RCC2: variants seen among roughly 807,000 people sequenced by gnomAD.
RCC2 encodes the protein protein RCC2.
In RCC2, 19 loss-of-function variants were observed where a neutral mutation model predicts 64.1. The observed-to-expected ratio is 0.30, with a 90% CI of 0.21 to 0.44. The LOEUF is 0.44. Among genes scored for constraint, RCC2 ranks in the 20% least tolerant of loss-of-function variants. The pLI is 1.00. For synonymous variants in RCC2, 325 were observed against 279.6 expected, an observed-to-expected ratio of 1.16 and a Z score of -1.62; for missense variants, 508 against 710.4, an observed-to-expected ratio of 0.72 and a Z score of 3.24.
At chr1:17,416,721 T>C in intron 7 of RCC2, 75 bp from the exon 8 acceptor site, 1 of 1,465,536 alleles carries the variant, frequency 6.8e-7, no homozygotes, top group Non-Finnish European at 9.2e-7. Flanking sequence ...ACACGGACTC[T>C]GTAGTGAGCC....
chr1:17,428,067 G>T (rs181712851), intron 3 of RCC2, among the ~76,000 whole-genome samples: 46 of 152,328 alleles, frequency 3.0e-4, no homozygotes, highest in African/African-American at 1.1e-3. Context: ...ACTAGAGAGT[G>T]GGACTCCAAC....
rs559374956 is a variant in RCC2, at chr1:17,434,827, G to T, written c.285+3403C>A. On this transcript the variant is annotated intron_variant, in intron 2 of 12. Transcript: ENST00000375436. ...CGTCTAGTCACAGAAGTCTTGTGTTGGGAGGCGGGGCGTGGTGGCTCACGC... is the reference window on the plus strand; with the variant it reads ...CGTCTAGTCACAGAAGTCTTGTGTTTGGAGGCGGGGCGTGGTGGCTCACGC... 2.6e-5 allele frequency among the ~76,000 whole-genome samples: 4 copies of T among 152,346 alleles called. No individual in the cohort carries two copies. The East Asian group carries it at 5.8e-4, about 22-fold the overall frequency.
At position 17,413,736 on chromosome 1, in the gene RCC2, C is replaced by T; in HGVS notation, c.1027-19G>A. 1 of 1,603,730 alleles carries T rather than the reference C, an allele frequency of 6.2e-7. No homozygotes were observed. The highest frequency in any genetic ancestry group is 1.7e-4 in the Middle Eastern group (1 of 6,014). On this transcript the variant is annotated intron_variant, in intron 8 of 12. Transcript: ENST00000375436. Reference sequence around the variant, plus strand: ...GGACCAGCTGCAAGGAAAGAAAACACAGGGTTGGAACAAACAGACTTCCAA... The same window carrying T: ...GGACCAGCTGCAAGGAAAGAAAACATAGGGTTGGAACAAACAGACTTCCAA...
intron 7 of RCC2, among the ~76,000 whole-genome samples, chr1:17,418,431 G>A (rs1002734343): frequency 2.0e-5 from 3 of 152,140 alleles, no homozygotes; most frequent in African/African-American, 2.4e-5. Context: ...GGCTGAGGTC[G>A]GCGGATCACG....
chr1:17,410,203 G>C, intron 11 of RCC2, 152 bp from the exon 12 acceptor site: 1 of 670,366 alleles, frequency 1.5e-6, no homozygotes, highest in Non-Finnish European at 2.6e-6. Flanking sequence ...TTGCACACAA[G>C]GGCCAGGTGG....
chr1:17,428,334 CG>C (rs2075640835), intron 3 of RCC2, among the ~76,000 whole-genome samples: 1 of 152,260 alleles, frequency 6.6e-6, no homozygotes. Flanking sequence ...TTCCAAACAA[CG>C]CGCTGCTGCT....
intron 3 of RCC2, 130 bp from the exon 4 acceptor site, chr1:17,425,814 T>A: frequency 2.2e-6 from 2 of 918,520 alleles, no homozygotes; most frequent in Non-Finnish European, 3.3e-6. Flanking sequence ...CACCCTGCCT[T>A]GGCTGTTGGG....
At chr1:17,435,070 T>C (rs554601188) in intron 2 of RCC2, among the ~76,000 whole-genome samples, 1 of 152,218 alleles carries the variant, frequency 6.6e-6, no homozygotes, top group East Asian at 1.9e-4. Flanking sequence ...ACCACTGCAC[T>C]CCAGCCTGGG....
rs189835361 is a variant in RCC2, at chr1:17,428,182, G to A, written c.379+924C>T. Among the ~76,000 whole-genome samples the A allele has an allele frequency of 7.7e-4, 118 of 152,340 alleles. 1 individual carries two copies. Among genetic ancestry groups the A allele is most frequent in the African/African-American group, 2.7e-3 (114 of 41,572 alleles). On this transcript the variant is annotated intron_variant, in intron 3 of 12. Transcript: ENST00000375436. ...CAGTTGAAGAACGGCTTTGAGAAAT[G>A]ATGCAACACGGGCACAGGACTGGCA...
chr1:17,429,221 A>G (rs777185634), intron 2 of RCC2, 22 bp from the exon 3 acceptor site: 6 of 1,598,104 alleles, frequency 3.8e-6, no homozygotes, highest in Non-Finnish European at 4.3e-6. Context: ...GAGAAAGGAA[A>G]AAAGAATTAG....
chr1:17,414,700 C>T (rs190077818), intron 8 of RCC2, among the ~76,000 whole-genome samples: 17 of 152,116 alleles, frequency 1.1e-4, no homozygotes, highest in Admixed American at 2.0e-4. Flanking sequence ...GGCACGATCA[C>T]GGCTCACCAC....
rs1403284257 is a variant in RCC2, at chr1:17,429,149, G to C, written c.336C>G (p.Thr112=). 1 of 1,614,124 alleles carries C rather than the reference G, an allele frequency of 6.2e-7. No individual in the cohort carries two copies. The highest frequency in any genetic ancestry group is 1.7e-5 in the Admixed American group (1 of 60,014). Reference sequence around the variant, plus strand: ...CTTTTCGACCAATCAAGTCCCAGTTGGTTGCCCCAAAAATCAAAAGCTGCC... The same window carrying C: ...CTTTTCGACCAATCAAGTCCCAGTTCGTTGCCCCAAAAATCAAAAGCTGCC... ...CKGQLLIFGA[T]NWDLIGRKEV... The change falls in exon 3 of 13, where the codon ACC becomes ACG. Residue 112 remains threonine, a synonymous_variant. Transcript: ENST00000375436.
rs1043099691 is a variant in RCC2, at chr1:17,407,164, G to A, written c.*1926C>T. 1.3e-5 allele frequency: 2 copies of A among 152,200 alleles called. No homozygotes were observed. The highest frequency in any genetic ancestry group is 2.9e-5 in the Non-Finnish European group (2 of 68,052). The allele number at this position is 152,200 out of a possible 1,614,324, so 9.4% of individuals were successfully genotyped here. Reference sequence around the variant, plus strand: ...TCCCTGGGCTAGGGTTCTAGAAGAGGCTGGCTGCCACGTTTACATGAGGCC... The same window carrying A: ...TCCCTGGGCTAGGGTTCTAGAAGAGACTGGCTGCCACGTTTACATGAGGCC... On this transcript the variant is annotated 3_prime_UTR_variant, in exon 13 of 13. Coordinates refer to ENST00000375436, the MANE Select transcript of RCC2 (RefSeq NM_018715.4).
At chr1:17,431,323 G>A (rs1390772280) in intron 2 of RCC2, among the ~76,000 whole-genome samples, 5 of 65,562 alleles carry the variant, frequency 7.6e-5, no homozygotes, top group Admixed American at 2.5e-4. Context: ...GACTGAGCAA[G>A]ACTCCATCTC....
chr1:17,424,869 G>T (rs559205210), intron 4 of RCC2, among the ~76,000 whole-genome samples: 1 of 152,162 alleles, frequency 6.6e-6, no homozygotes, highest in Admixed American at 6.5e-5. Flanking sequence ...GGAATGGGCC[G>T]GCCGGCTGCA....
chr1:17,410,197 A>G (rs1275911223), intron 11 of RCC2, 146 bp from the exon 12 acceptor site: 1 of 685,344 alleles, frequency 1.5e-6, no homozygotes, highest in Non-Finnish European at 2.6e-6. Flanking sequence ...CCACCCTTGC[A>G]CACAAGGGCC....
intron 11 of RCC2, among the ~76,000 whole-genome samples, chr1:17,411,749 AAGAAT>A (rs2075429062): frequency 6.6e-6 from 1 of 152,204 alleles, no homozygotes; most frequent in Non-Finnish European, 1.5e-5. Context: ...TGGAAAAATG[AAGAAT>A]GTCCTCAAAT....
At chr1:17,437,988 C>CCCAACCG (rs1169107657) in intron 2 of RCC2, among the ~76,000 whole-genome samples, 2 of 146,240 alleles carry the variant, frequency 1.4e-5, no homozygotes, top group African/African-American at 2.5e-5. Flanking sequence ...GGGCGCGCGC[C>CCCAACCG]CCAACCGCCA....
chr1:17,427,915 C>T (rs1168687839), intron 3 of RCC2, among the ~76,000 whole-genome samples: 1 of 152,196 alleles, frequency 6.6e-6, no homozygotes, highest in Non-Finnish European at 1.5e-5. Context: ...TTCCCACGGC[C>T]TCCGGATCCC....
Sources: allele counts gnomAD v4.1 joint callset (sites outside exome capture counted in the v4.1 genomes callset), GRCh38; gene constraint gnomAD v4.1.1; transcripts MANE v1.5; gene names NCBI Gene and HGNC (gene_info 2026-07-23, HGNC 2026-07-21).